Variants in MAGI2 observed in about 807,000 individuals in gnomAD.
MAGI2 encodes membrane associated guanylate kinase, WW and PDZ domain containing 2, also known as membrane-associated guanylate kinase, WW and PDZ domain-containing protein 2.
Under a neutral mutation model 133.3 loss-of-function variants are expected in MAGI2, and 35 were observed. The ratio of observed to expected loss-of-function variants is 0.26; its 90% CI spans 0.20 to 0.35. The LOEUF is 0.35. MAGI2 is among the 10% of genes least tolerant of loss of function. The probability of loss-of-function intolerance (pLI) is 1.00; values close to 1 mark genes in which losing one functional copy is unlikely to be tolerated. For synonymous variants in MAGI2, 729 were observed against 710.6 expected (o/e 1.03, Z -0.41); for missense variants, 1,636 against 1,863.4 (o/e 0.88, Z 2.25).
chr7:78,590,687 C>A (rs1803907138), intron 3 of MAGI2, among the ~76,000 whole-genome samples: 1 of 152,132 alleles, frequency 6.6e-6, no homozygotes, highest in South Asian at 2.1e-4. Flanking sequence ...ACCATTCAAG[C>A]CACTTACCTT....
At chr7:78,329,982 T>G (rs1381907648) in intron 9 of MAGI2, among the ~76,000 whole-genome samples, 2 of 151,126 alleles carry the variant, frequency 1.3e-5, no homozygotes, top group African/African-American at 2.5e-5. Flanking sequence ...TCTTTAAATG[T>G]TCAATGCAGA....
intron 7 of MAGI2, among the ~76,000 whole-genome samples, chr7:78,356,626 C>T (rs765213575): frequency 4.6e-5 from 7 of 152,166 alleles, no homozygotes; most frequent in Non-Finnish European, 1.0e-4. Context: ...TATAAAAGGA[C>T]ATGGAAACAT....
At chr7:79,045,280 T>A (rs1273683392) in intron 1 of MAGI2, among the ~76,000 whole-genome samples, 1 of 152,248 alleles carries the variant, frequency 6.6e-6, no homozygotes, top group Non-Finnish European at 1.5e-5. Flanking sequence ...TTTTACATCT[T>A]AACTAGGTTT....
intron 2 of MAGI2, among the ~76,000 whole-genome samples, chr7:78,667,401 T>C (rs1233040854): frequency 6.6e-6 from 1 of 151,686 alleles, no homozygotes; most frequent in African/African-American, 2.4e-5. Context: ...AATTTTATTA[T>C]TATTATACTT....
intron 2 of MAGI2, among the ~76,000 whole-genome samples, chr7:78,677,459 ACAT>A (rs1815171256): frequency 6.6e-6 from 1 of 152,000 alleles, no homozygotes; most frequent in Non-Finnish European, 1.5e-5. Context: ...TTAAAATGAA[ACAT>A]CATTTTATAA....
Position 79,328,843 on chromosome 7 carries a change from A to T in MAGI2, c.301+124177T>A, listed in dbSNP as rs1325686157. On this transcript the variant is annotated intron_variant, in intron 1 of 21. Transcript: ENST00000354212. ...GAACACTGGTTGGCACGTAATTTCTATGTAGTTATAATTATCTCTTTCTCT... is the reference window on the plus strand; with the variant it reads ...GAACACTGGTTGGCACGTAATTTCTTTGTAGTTATAATTATCTCTTTCTCT... Among the ~76,000 whole-genome samples the T allele has an allele frequency of 5.3e-5, 8 of 152,218 alleles. No homozygotes were observed. The East Asian group carries it at 5.8e-4, about 11-fold the overall frequency.
At chr7:79,163,970 C>T (rs934350267) in intron 1 of MAGI2, among the ~76,000 whole-genome samples, 2 of 151,994 alleles carry the variant, frequency 1.3e-5, no homozygotes, top group East Asian at 3.9e-4. Context: ...CATCTCACCC[C>T]TTACACAATT....
At chr7:78,392,308 C>T (rs1470915638) in intron 6 of MAGI2, among the ~76,000 whole-genome samples, 1 of 151,750 alleles carries the variant, frequency 6.6e-6, no homozygotes, top group Non-Finnish European at 1.5e-5. Flanking sequence ...ATGAAGAAGG[C>T]AAAAAATAGA....
chr7:78,777,469 C>T (rs1826073187), intron 2 of MAGI2, among the ~76,000 whole-genome samples: 1 of 152,106 alleles, frequency 6.6e-6, no homozygotes, highest in African/African-American at 2.4e-5. Context: ...ATCACTGTCA[C>T]CATCAATATC....
chr7:79,209,625 G>C (rs1829334479), intron 1 of MAGI2, among the ~76,000 whole-genome samples: 1 of 151,902 alleles, frequency 6.6e-6, no homozygotes, highest in Non-Finnish European at 1.5e-5. Flanking sequence ...CCAACATCAA[G>C]GTTTATCAAG....
chr7:78,454,136 A>G (rs1789043720), intron 6 of MAGI2, among the ~76,000 whole-genome samples: 1 of 152,118 alleles, frequency 6.6e-6, no homozygotes, highest in African/African-American at 2.4e-5. Flanking sequence ...CTCTACATAT[A>G]CCCTGACTAA....
intron 15 of MAGI2, among the ~76,000 whole-genome samples, chr7:78,162,251 C>T (rs779904007): frequency 8.6e-5 from 13 of 151,836 alleles, no homozygotes; most frequent in East Asian, 3.9e-4. Flanking sequence ...AAAGAAGAAG[C>T]GCGGTGGCTC....
intron 2 of MAGI2, among the ~76,000 whole-genome samples, chr7:78,823,851 T>C (rs1453545307): frequency 6.6e-6 from 1 of 152,146 alleles, no homozygotes; most frequent in Non-Finnish European, 1.5e-5. Flanking sequence ...TGATGTTATC[T>C]AATAATTACC....
intron 1 of MAGI2, among the ~76,000 whole-genome samples, chr7:79,333,570 G>A (rs1333805925): frequency 2.6e-5 from 4 of 152,152 alleles, no homozygotes; most frequent in Admixed American, 2.0e-4. Flanking sequence ...TTAAGCAGTT[G>A]CTAAATAAGG....
intron 1 of MAGI2, among the ~76,000 whole-genome samples, chr7:79,136,028 G>GAAAGAAAGAAAGAAAGAAA (rs1821448277): frequency 3.9e-5 from 2 of 51,654 alleles, no homozygotes; most frequent in African/African-American, 1.6e-4. Flanking sequence ...AAAGAAAGAA[G>GAAAGAAAGAAAGAAAGAAA]GAAAGAAAGA....
intron 1 of MAGI2, among the ~76,000 whole-genome samples, chr7:79,304,181 A>ATGTG (rs373644525): frequency 0.71 from 101,020 of 142,038 alleles, 37,720 homozygotes; most frequent in Non-Finnish European, 0.82. Flanking sequence ...TTCAACTGGG[A>ATGTG]TGTGTGTGTG....
chr7:78,312,854 T>C (rs1798828254), intron 9 of MAGI2, among the ~76,000 whole-genome samples: 1 of 151,636 alleles, frequency 6.6e-6, no homozygotes, highest in Admixed American at 6.6e-5. Context: ...TGTATATATA[T>C]ACACATATAC....
chr7:79,446,214 T>C (rs1279845347), intron 1 of MAGI2, among the ~76,000 whole-genome samples: 3 of 152,084 alleles, frequency 2.0e-5, no homozygotes, highest in Non-Finnish European at 2.9e-5. Flanking sequence ...ATACCTAATG[T>C]TAAATGACAA....
intron 2 of MAGI2, among the ~76,000 whole-genome samples, chr7:78,702,923 T>C (rs946156883): frequency 3.9e-5 from 3 of 77,348 alleles, no homozygotes; most frequent in Non-Finnish European, 5.1e-5. Context: ...CACCAGTTTA[T>C]AAGTGACTGT....
Sources: allele counts gnomAD v4.1 joint callset (sites outside exome capture counted in the v4.1 genomes callset), GRCh38; gene constraint gnomAD v4.1.1; transcripts MANE v1.5; gene names NCBI Gene and HGNC (gene_info 2026-07-23, HGNC 2026-07-21).